DST: variants seen among roughly 807,000 people sequenced by gnomAD.
DST encodes the protein dystonin.
In DST, 253 loss-of-function variants were observed where a neutral mutation model predicts 875.2. The observed-to-expected ratio is 0.29, with a 90% CI of 0.26 to 0.32. DST has a LOEUF of 0.32. Among genes scored for constraint, DST ranks in the 10% least tolerant of loss-of-function variants. DST has a pLI of 1.00. For missense variants in DST, 8,287 were observed against 9,111.6 expected (o/e 0.91, Z 3.68); for synonymous variants, 3,124 against 3,197.1 (o/e 0.98, Z 0.77).
At chr6:56,848,184 AG>A (rs1329313796) in intron 4 of DST, among the ~76,000 whole-genome samples, 44 of 152,362 alleles carry the variant, frequency 2.9e-4, no homozygotes, top group Admixed American at 2.8e-3. Context: ...GACTTTTTAA[AG>A]GCAGAACTGT....
chr6:56,604,436 A>C lies in DST; in HGVS notation c.10192T>G (p.Leu3398Val). Residue 3398 changes from leucine to valine, a missense_variant, in exon 40 of 104, where the codon TTG becomes GTG. Physicochemically the swap from Leu to Val is conservative, Grantham distance 32. Transcript: ENST00000680361. ...GGCACAGTAGATGCCTCATTTACCA[A>C]CTGTGATGTGGTAATCCTTTTAATT... ...NLIKRITTSQ[L>V]VNEASTVPSD... The C allele has an allele frequency of 1.2e-6, 2 of 1,609,480 alleles. No homozygotes were observed. The highest frequency in any genetic ancestry group is 1.7e-6 in the Non-Finnish European group (2 of 1,177,334).
At chr6:56,826,398 T>C (rs998332064) in intron 4 of DST, among the ~76,000 whole-genome samples, 2 of 152,208 alleles carry the variant, frequency 1.3e-5, no homozygotes, top group African/African-American at 4.8e-5. Flanking sequence ...TTTATTATTT[T>C]AAACTTTCTA....
At chr6:56,632,775 T>G in intron 28 of DST, 79 bp downstream of exon 28, 19 of 1,155,150 alleles carry the variant, frequency 1.6e-5, no homozygotes, top group Non-Finnish European at 2.2e-5. Flanking sequence ...TACCTAAGAT[T>G]GAGATTCCCA....
At position 56,714,706 on chromosome 6, in the gene DST, A is replaced by G. The variant is rs60360551; in HGVS notation, c.688-10337T>C. On this transcript the variant is annotated intron_variant, in intron 5 of 103. Transcript: ENST00000680361. The surrounding 1 kb of genome is among the most constrained non-coding windows in gnomAD (Gnocchi z 4.5). ...GTGCCCTAACTAGAGCTTCATGTCCATTCCTGATGGCTAAGAGAGATTTTG... is the reference window on the plus strand; with the variant it reads ...GTGCCCTAACTAGAGCTTCATGTCCGTTCCTGATGGCTAAGAGAGATTTTG... Among the ~76,000 whole-genome samples, 9,935 of 152,266 alleles carry G rather than the reference A, an allele frequency of 0.065. 1,004 individuals carry two copies. Among genetic ancestry groups the G allele is most frequent in the African/African-American group, 0.22 (9,049 of 41,502 alleles).
chr6:56,697,178 T>C (rs1301426472), intron 9 of DST, among the ~76,000 whole-genome samples: 1 of 152,168 alleles, frequency 6.6e-6, no homozygotes, highest in East Asian at 1.9e-4. Context: ...GCTAAAAAGT[T>C]TTGTTATCTT....
chr6:56,886,647 T>C (rs1049873960), intron 3 of DST, among the ~76,000 whole-genome samples: 3 of 152,148 alleles, frequency 2.0e-5, no homozygotes, highest in African/African-American at 7.2e-5. Context: ...TGGTGGCACA[T>C]GCCTGTAATC....
At chr6:56,644,478 C>T (rs1401579985) in intron 15 of DST, among the ~76,000 whole-genome samples, 2 of 152,060 alleles carry the variant, frequency 1.3e-5, no homozygotes, top group Admixed American at 1.3e-4. Flanking sequence ...TTGTGTCAGG[C>T]GCTGTGTAAA....
rs1586256865 is a variant in DST at position 56,601,494 on chromosome 6, C to T, written c.11490G>A (p.Val3830=). ...LDVQESVTTQ[V]ERLETQLHLE... is the part of the protein sequence containing the mutation. ...GATGTAACTGAGTCTCTAAACGTTC[C>T]ACCTGGGTAGTTACTGACTCCTGTA... is the stretch of plus-strand genomic sequence containing the variant. Residue 3830 remains valine, a synonymous_variant, in exon 44 of 104, where the codon GTG becomes GTA. Transcript: ENST00000680361. 6.2e-7 allele frequency: 1 copy of T among 1,606,030 alleles called. No individual in the cohort carries two copies. Among genetic ancestry groups the T allele is most frequent in the Non-Finnish European group, 8.5e-7 (1 of 1,176,414 alleles).
At chr6:56,658,433 T>C (rs2099021582) in intron 10 of DST, among the ~76,000 whole-genome samples, 1 of 152,110 alleles carries the variant, frequency 6.6e-6, no homozygotes, top group Non-Finnish European at 1.5e-5. Context: ...ACAGAGCATC[T>C]GGAAATGTGT....
intron 3 of DST, among the ~76,000 whole-genome samples, chr6:56,886,620 A>G (rs1784770054): frequency 6.6e-6 from 1 of 152,064 alleles, no homozygotes. Context: ...TACTAAAAAT[A>G]CAAAATTAGC....
intron 38 of DST, 146 bp from the exon 39 acceptor site, chr6:56,610,708 G>T: frequency 1.7e-6 from 1 of 596,564 alleles, no homozygotes. Context: ...GACTGTATAT[G>T]AAAATTAAGA....
chr6:56,672,606 T>G (rs933963579), intron 9 of DST, among the ~76,000 whole-genome samples: 1 of 152,148 alleles, frequency 6.6e-6, no homozygotes, highest in African/African-American at 2.4e-5. Flanking sequence ...TCCCAAGAGT[T>G]TAAGTCCCAT....
In DST at chr6:56,618,160, G is replaced by C. The variant is rs1392325549; in HGVS notation, c.4930-3676C>G. On this transcript the variant is annotated intron_variant, in intron 36 of 103. Transcript: ENST00000680361. ...GTAACTCGGTGCTTGTCTGAGAAAA[G>C]TACTCAGAGTAACACTGCTGGCTTT... is the stretch of plus-strand genomic sequence containing the variant. The C allele has an allele frequency of 6.2e-7, 1 of 1,614,146 alleles. No individual in the cohort carries two copies. The highest frequency in any genetic ancestry group is 8.5e-7 in the Non-Finnish European group (1 of 1,180,014).
intron 55 of DST, among the ~76,000 whole-genome samples, chr6:56,564,501 A>G (rs1030937918): frequency 7.2e-5 from 11 of 152,116 alleles, no homozygotes; most frequent in African/African-American, 2.7e-4. Context: ...CTAAATATAT[A>G]ATTATGTCAT....
chr6:56,752,450 C>T (rs954013313), intron 4 of DST, among the ~76,000 whole-genome samples: 1 of 152,116 alleles, frequency 6.6e-6, no homozygotes, highest in Non-Finnish European at 1.5e-5. Context: ...CATTTTCATC[C>T]CCCAACAAAG....
intron 3 of DST, among the ~76,000 whole-genome samples, chr6:56,854,379 T>G (rs74757498): frequency 0.02 from 3,088 of 151,782 alleles, 101 homozygotes; most frequent in African/African-American, 0.068. Context: ...TATCTAGTAT[T>G]CTACTATTGT....
chr6:56,459,133 T>C lies in DST; in HGVS notation c.23329A>G (p.Thr7777Ala). ...EIQSVCSDVE[T>A]VPQTHRPTPR... ...GTAGGTCTGTGTGTCTGGGGGACAGTTTCCACATCTGAGCACACGGACTGG... is the reference window on the plus strand; with the variant it reads ...GTAGGTCTGTGTGTCTGGGGGACAGCTTCCACATCTGAGCACACGGACTGG... Residue 7777 changes from threonine to alanine, a missense_variant, in exon 104 of 104, where the codon ACT becomes GCT. Transcript: ENST00000680361. The C allele has an allele frequency of 2.5e-6, 4 of 1,613,922 alleles. No homozygotes were observed. The highest frequency in any genetic ancestry group is 3.4e-6 in the Non-Finnish European group (4 of 1,179,872).
chr6:56,517,879 G>A (rs890740538), intron 69 of DST, among the ~76,000 whole-genome samples: 2 of 152,026 alleles, frequency 1.3e-5, no homozygotes, highest in Non-Finnish European at 2.9e-5. Flanking sequence ...TAGCACTATT[G>A]CCTTCTTTTC....
Position 56,611,532 on chromosome 6 carries a change from A to T in DST, c.5123T>A (p.Leu1708His). The change falls in exon 38 of 104, where the codon CTT becomes CAT. Residue 1708 changes from leucine (L) to histidine (H), a missense_variant. Transcript: ENST00000680361. Reference protein sequence around the residue: ...QLSEALQTIQLFLAKHGDKMT... With the variant: ...QLSEALQTIQHFLAKHGDKMT... ...CTTGTCTCCATGTTTTGCCAAAAAA[A>T]GCTGTATAGTTTGAAGTGCTTCCGA... 4 of 1,612,854 alleles carry T rather than the reference A, an allele frequency of 2.5e-6. No homozygotes were observed. The highest frequency in any genetic ancestry group is 3.4e-6 in the Non-Finnish European group (4 of 1,179,278).
Sources: gnomAD v4.1 joint callset for allele counts (sites outside exome capture counted in the v4.1 genomes callset) on GRCh38, gnomAD v4.1.1 for gene constraint, Gnocchi (gnomAD v3.1) non-coding constraint, MANE v1.5 for transcripts, NCBI Gene and HGNC (gene_info 2026-07-23, HGNC 2026-07-21) for gene names.